Variants in LHFPL3 observed in about 807,000 individuals in gnomAD.
LHFPL3 encodes the protein LHFPL tetraspan subfamily member 3 protein.
Under a neutral mutation model 19.3 loss-of-function variants are expected in LHFPL3, and 5 were observed. The ratio of observed to expected loss-of-function variants is 0.26; its 90% confidence interval spans 0.14 to 0.54. LHFPL3 has a LOEUF of 0.54. Ranked by LOEUF, LHFPL3 falls within the 20% of genes least tolerant of loss-of-function variation. The pLI is 0.94. For synonymous variants in LHFPL3, 133 were observed against 126.2 expected, an observed-to-expected ratio of 1.05 and a Z score of -0.36; for missense variants, 249 against 307.4, an observed-to-expected ratio of 0.81 and a Z score of 1.42.
chr7:104,527,337 G>C (rs1225516614), intron 1 of LHFPL3, among the ~76,000 whole-genome samples: 1 of 152,072 alleles, frequency 6.6e-6, no homozygotes, highest in Non-Finnish European at 1.5e-5. Context: ...AGGTTTCTTT[G>C]TGCGGCAGGG....
intron 1 of LHFPL3, among the ~76,000 whole-genome samples, chr7:104,733,715 A>G (rs1793747422): frequency 6.6e-6 from 1 of 152,176 alleles, no homozygotes; most frequent in South Asian, 2.1e-4. Flanking sequence ...GATTTAGCCC[A>G]TTTACATCTA....
chr7:104,400,459 A>G (rs1372365661), intron 1 of LHFPL3, among the ~76,000 whole-genome samples: 1 of 152,216 alleles, frequency 6.6e-6, no homozygotes, highest in Non-Finnish European at 1.5e-5. Context: ...GTAATCCATA[A>G]TGATAAGCCA....
At chr7:104,658,132 C>T (rs980368234) in intron 1 of LHFPL3, among the ~76,000 whole-genome samples, 2 of 152,168 alleles carry the variant, frequency 1.3e-5, no homozygotes, top group African/African-American at 2.4e-5. Flanking sequence ...GTTAGAATTG[C>T]TTGGTATTTA....
chr7:104,476,941 GTTGAACATCTCA>G, intron 1 of LHFPL3, among the ~76,000 whole-genome samples: 2 of 152,278 alleles, frequency 1.3e-5, no homozygotes, highest in East Asian at 3.9e-4. Context: ...GTTGATCTGT[GTTGAACATCTCA>G]TTGTGATGCC....
intron 2 of LHFPL3, among the ~76,000 whole-genome samples, chr7:104,813,936 G>A (rs898725138): frequency 2.6e-5 from 4 of 152,230 alleles, no homozygotes; most frequent in African/African-American, 7.2e-5. Flanking sequence ...TAGGAAGCAA[G>A]AGGCATGTCT....
At chr7:104,893,690 G>T (rs1315756718) in intron 2 of LHFPL3, among the ~76,000 whole-genome samples, 1 of 151,784 alleles carries the variant, frequency 6.6e-6, no homozygotes, top group East Asian at 1.9e-4. Flanking sequence ...AGTGGCTCAC[G>T]CCTGTAATCC....
intron 2 of LHFPL3, among the ~76,000 whole-genome samples, chr7:104,837,749 G>C (rs558095509): frequency 2.0e-5 from 3 of 152,234 alleles, no homozygotes; most frequent in East Asian, 3.9e-4. Flanking sequence ...GCACCCTATA[G>C]AAAGTGCCAA....
chr7:104,881,719 T>C (rs1435354845), intron 2 of LHFPL3, among the ~76,000 whole-genome samples: 1 of 152,210 alleles, frequency 6.6e-6, no homozygotes, highest in Non-Finnish European at 1.5e-5. Context: ...CACTTCCATT[T>C]TGAAAGAAGT....
At chr7:104,590,314 C>A (rs1269199439) in intron 1 of LHFPL3, among the ~76,000 whole-genome samples, 1 of 152,060 alleles carries the variant, frequency 6.6e-6, no homozygotes, top group Non-Finnish European at 1.5e-5. Flanking sequence ...TATGTTGTGT[C>A]TTTGTTCTCG....
intron 1 of LHFPL3, among the ~76,000 whole-genome samples, chr7:104,403,130 CAT>C (rs1352433667): frequency 2.0e-5 from 3 of 152,146 alleles, no homozygotes; most frequent in African/African-American, 7.2e-5. Flanking sequence ...ACCACCATGA[CAT>C]GTGTATACCT....
At chr7:104,636,850 ATG>A (rs952636411) in intron 1 of LHFPL3, among the ~76,000 whole-genome samples, 14 of 152,240 alleles carry the variant, frequency 9.2e-5, no homozygotes, top group Non-Finnish European at 5.9e-5. Context: ...GAACATACAC[ATG>A]TGTGTGTCTT....
intron 1 of LHFPL3, among the ~76,000 whole-genome samples, chr7:104,713,333 AC>A (rs1793328146): frequency 1.3e-5 from 2 of 152,218 alleles, no homozygotes; most frequent in African/African-American, 4.8e-5. Context: ...ATAAAGAACT[AC>A]CTGAGGCTGG....
At chr7:104,512,292 G>A (rs1344695818) in intron 1 of LHFPL3, among the ~76,000 whole-genome samples, 1 of 151,950 alleles carries the variant, frequency 6.6e-6, no homozygotes, top group Non-Finnish European at 1.5e-5. Flanking sequence ...TTAAACAAGG[G>A]TAGGTATTTA....
At chr7:104,677,562 T>C (rs1792615377) in intron 1 of LHFPL3, among the ~76,000 whole-genome samples, 1 of 152,228 alleles carries the variant, frequency 6.6e-6, no homozygotes, top group Non-Finnish European at 1.5e-5. Flanking sequence ...ACATGTTTTT[T>C]AATTACATTG....
At chr7:104,539,439 C>T (rs1794445048) in intron 1 of LHFPL3, among the ~76,000 whole-genome samples, 1 of 152,106 alleles carries the variant, frequency 6.6e-6, no homozygotes. Context: ...GAAGGATTAC[C>T]TCTGTTTAGG....
chr7:104,609,711 A>G (rs1791175998), intron 1 of LHFPL3, among the ~76,000 whole-genome samples: 1 of 152,246 alleles, frequency 6.6e-6, no homozygotes, highest in Admixed American at 6.5e-5. Flanking sequence ...TAAGCAAGGA[A>G]GACATCTGGA....
At chr7:104,754,983 G>C (rs1445876956) in intron 2 of LHFPL3, among the ~76,000 whole-genome samples, 3 of 152,132 alleles carry the variant, frequency 2.0e-5, no homozygotes, top group Non-Finnish European at 4.4e-5. Flanking sequence ...GGAGGATCCG[G>C]GGTCTGCATG....
At chr7:104,880,899 G>A (rs528818977) in intron 2 of LHFPL3, among the ~76,000 whole-genome samples, 55 of 152,178 alleles carry the variant, frequency 3.6e-4, no homozygotes, top group African/African-American at 1.1e-3. Flanking sequence ...GGCCAGGCGC[G>A]GTGGCTCATG....
intron 1 of LHFPL3, among the ~76,000 whole-genome samples, chr7:104,339,660 T>C (rs1446611030): frequency 2.6e-5 from 4 of 152,252 alleles, no homozygotes; most frequent in East Asian, 3.8e-4. Flanking sequence ...TGTATCATCA[T>C]GCAAGGAAGG....
Sources: gnomAD v4.1 joint callset for allele counts (sites outside exome capture counted in the v4.1 genomes callset) on GRCh38, gnomAD v4.1.1 for gene constraint, MANE v1.5 for transcripts, NCBI Gene and HGNC (gene_info 2026-07-23, HGNC 2026-07-21) for gene names.